The following PITPNC1 variants were observed in gnomAD, a reference collection of about 807,000 sequenced individuals.
PITPNC1 encodes the protein cytoplasmic phosphatidylinositol transfer protein 1.
A neutral mutation model predicts 44.7 loss-of-function variants in PITPNC1; 18 were observed. That is an observed-to-expected ratio of 0.40 (90% CI 0.28 to 0.60). The LOEUF (loss-of-function observed/expected upper bound fraction) is 0.60, where lower values mean the gene tolerates loss of function less well. Among genes scored for constraint, PITPNC1 ranks in the 20% least tolerant of loss-of-function variants. The pLI, the probability that PITPNC1 is intolerant of heterozygous loss-of-function variation, is 0.39. For missense variants in PITPNC1, 290 were observed against 418.4 expected, an observed-to-expected ratio of 0.69 and a Z score of 2.68; for synonymous variants, 141 against 149.6, an observed-to-expected ratio of 0.94 and a Z score of 0.42.
chr17:67,494,184 T>C (rs2039901568), intron 1 of PITPNC1, among the ~76,000 whole-genome samples: 3 of 31,226 alleles, frequency 9.6e-5, no homozygotes, highest in African/African-American at 3.8e-4. Context: ...TCTTTCTTTC[T>C]TTTTCTTTCT....
intron 1 of PITPNC1, among the ~76,000 whole-genome samples, chr17:67,513,129 C>T (rs532043010): frequency 2.4e-4 from 37 of 152,044 alleles, no homozygotes; most frequent in Non-Finnish European, 4.3e-4. Context: ...TTAGGGAGGC[C>T]GAGGCAGATG....
intron 1 of PITPNC1, among the ~76,000 whole-genome samples, chr17:67,386,057 A>C (rs1022623080): frequency 2.0e-5 from 3 of 152,164 alleles, no homozygotes; most frequent in African/African-American, 7.2e-5. Flanking sequence ...CTTGAAAGTC[A>C]ATTTAGAAAC....
At chr17:67,684,606 G>A (rs2042779629) in intron 8 of PITPNC1, among the ~76,000 whole-genome samples, 1 of 151,100 alleles carries the variant, frequency 6.6e-6, no homozygotes, top group Non-Finnish European at 1.5e-5. Flanking sequence ...TGTAGATAAT[G>A]GTTTTCTGAC....
intron 5 of PITPNC1, among the ~76,000 whole-genome samples, chr17:67,592,004 C>T (rs980192679): frequency 6.6e-6 from 1 of 151,754 alleles, no homozygotes; most frequent in Admixed American, 6.6e-5. Flanking sequence ...TGAGTCACCA[C>T]ACCCAGCGCA....
At chr17:67,439,089 G>A (rs2038976288) in intron 1 of PITPNC1, among the ~76,000 whole-genome samples, 1 of 152,146 alleles carries the variant, frequency 6.6e-6, no homozygotes, top group Non-Finnish European at 1.5e-5. Context: ...CACACAGTAG[G>A]TGCTGAATTA....
Position 67,669,601 on chromosome 17 carries a change from C to A in PITPNC1, c.556C>A (p.Leu186Met). The A allele has an allele frequency of 6.2e-7, 1 of 1,605,478 alleles. No individual in the cohort carries two copies. Among genetic ancestry groups the A allele is most frequent in the Admixed American group, 1.7e-5 (1 of 58,892 alleles). The change falls in exon 7 of 9, where the codon CTG becomes ATG. Residue 186 changes from leucine to methionine, a missense_variant. By Grantham distance (15) the Leu-to-Met change is conservative (BLOSUM62 2). Coordinates refer to ENST00000581322, the MANE Select transcript of PITPNC1 (RefSeq NM_012417.4). ...TCAGCCTATCATGTGCTCCTACAAGCTGGTGACTGTGAAGTTTGAGGTCTG... is the reference window on the plus strand; with the variant it reads ...TCAGCCTATCATGTGCTCCTACAAGATGGTGACTGTGAAGTTTGAGGTCTG... ...SHQPIMCSYK[L>M]VTVKFEVWGL...
chr17:67,447,944 C>T (rs2039123411), intron 1 of PITPNC1, among the ~76,000 whole-genome samples: 1 of 151,206 alleles, frequency 6.6e-6, no homozygotes. Flanking sequence ...CTCCTTCCTT[C>T]CTTCCTTCTT....
intron 1 of PITPNC1, among the ~76,000 whole-genome samples, chr17:67,490,902 A>G (rs1568011579): frequency 6.6e-6 from 1 of 152,182 alleles, no homozygotes; most frequent in African/African-American, 2.4e-5. Flanking sequence ...TTCAAACTTT[A>G]TACTTACTTC....
At chr17:67,379,093 C>A (rs961078229) in intron 1 of PITPNC1, 7 of 986,014 alleles carry the variant, frequency 7.1e-6, no homozygotes, top group Non-Finnish European at 8.4e-6. Flanking sequence ...TTCTTCCTCC[C>A]CACCTTTGTG....
chr17:67,532,768 G>A, intron 1 of PITPNC1, 34 bp from the exon 2 acceptor site: 1 of 1,534,052 alleles, frequency 6.5e-7, no homozygotes, highest in East Asian at 2.5e-5. Flanking sequence ...CACGCTGTGG[G>A]GCTGACCTTT....
chr17:67,396,878 C>G lies in PITPNC1; in HGVS notation c.48+18676C>G, dbSNP rs532249187. On this transcript the variant is annotated intron_variant, in intron 1 of 8. Coordinates refer to ENST00000581322, the MANE Select transcript of PITPNC1 (RefSeq NM_012417.4). ...CTATGTTGCCCAGGCTGTTTTTCAA[C>G]TCCTGGGCTCAAGGAATCCTCCTGC... Among the ~76,000 whole-genome samples the G allele has an allele frequency of 2.0e-3, 307 of 152,302 alleles. 1 individual carries two copies. The highest frequency in any genetic ancestry group is 7.1e-3 in the African/African-American group (296 of 41,566).
intron 1 of PITPNC1, among the ~76,000 whole-genome samples, chr17:67,408,153 C>A (rs527600881): frequency 2.0e-5 from 3 of 151,896 alleles, no homozygotes; most frequent in African/African-American, 7.2e-5. Context: ...ACAGTTTTAC[C>A]ATGTTGCCCA....
intron 6 of PITPNC1, among the ~76,000 whole-genome samples, chr17:67,666,315 C>G (rs2144395513): frequency 6.6e-6 from 1 of 152,152 alleles, no homozygotes; most frequent in Non-Finnish European, 1.5e-5. Context: ...AGTCTTGAAG[C>G]AAGGAAAGGA....
intron 1 of PITPNC1, among the ~76,000 whole-genome samples, chr17:67,398,485 C>T (rs1451547476): frequency 6.8e-6 from 1 of 147,890 alleles, no homozygotes; most frequent in Non-Finnish European, 1.5e-5. Context: ...ACTTTCTAGG[C>T]ATTGGTTGTG....
chr17:67,378,498 A>T (rs1023047570), intron 1 of PITPNC1, among the ~76,000 whole-genome samples: 2 of 152,034 alleles, frequency 1.3e-5, no homozygotes, highest in African/African-American at 2.4e-5. Flanking sequence ...CTCCCTCCAA[A>T]TAAGAAAATG....
chr17:67,418,295 C>T (rs763415826), intron 1 of PITPNC1, among the ~76,000 whole-genome samples: 1 of 152,158 alleles, frequency 6.6e-6, no homozygotes, highest in Non-Finnish European at 1.5e-5. Flanking sequence ...GGCAGTGCTG[C>T]TCTCCCAGTC....
intron 1 of PITPNC1, among the ~76,000 whole-genome samples, chr17:67,507,683 CAA>C (rs59838492): frequency 0.36 from 27,206 of 74,976 alleles, 2,785 homozygotes; most frequent in East Asian, 0.5. Context: ...GACTTGGTCT[CAA>C]AAAAAAAAAA....
intron 5 of PITPNC1, among the ~76,000 whole-genome samples, chr17:67,604,115 T>C (rs1598875797): frequency 6.6e-6 from 1 of 152,344 alleles, no homozygotes; most frequent in Non-Finnish European, 1.5e-5. Flanking sequence ...TGAAAGGAAT[T>C]ATCGTGGTAA....
In PITPNC1 at chr17:67,378,221, C is replaced by A; in HGVS notation, c.48+19C>A. On this transcript the variant is annotated intron_variant, in intron 1 of 8. Transcript: ENST00000581322. ...AGACGAGGTAAGCGCCGCGCCCGGC[C>A]CGGCCTCGCCCGCTCCGGGACCCCC... The A allele has an allele frequency of 6.8e-7, 1 of 1,481,150 alleles. No homozygotes were observed. Among genetic ancestry groups the A allele is most frequent in the Non-Finnish European group, 9.0e-7 (1 of 1,112,916 alleles). 91.8% of individuals were successfully genotyped at this position (1,481,150 alleles called of 1,614,324 possible). A position where few individuals can be genotyped will look rare whatever the true frequency, so the allele number is the denominator to read the frequency against.
Sources: gnomAD v4.1 joint callset for allele counts (sites outside exome capture counted in the v4.1 genomes callset) on GRCh38, gnomAD v4.1.1 for gene constraint, MANE v1.5 for transcripts, NCBI Gene and HGNC (gene_info 2026-07-23, HGNC 2026-07-21) for gene names.